Variants in FAT3 observed in about 807,000 individuals in gnomAD.
The protein encoded by FAT3 is FAT atypical cadherin 3, also known as protocadherin Fat 3.
FAT3 carries 95 observed loss-of-function variants against 310.2 expected under a neutral mutation model. The observed-to-expected ratio is 0.31, with a 90% CI of 0.26 to 0.36. FAT3 has a LOEUF of 0.36. Ranked by LOEUF, FAT3 falls within the 10% of genes least tolerant of loss-of-function variation. The pLI, the probability that FAT3 is intolerant of heterozygous loss-of-function variation, is 1.00. For synonymous variants in FAT3, 2,314 were observed against 2,192.9 expected, an observed-to-expected ratio of 1.06 and a Z score of -1.54; for missense variants, 5,408 against 5,715.6, an observed-to-expected ratio of 0.95 and a Z score of 1.74.
chr11:92,346,089 G>A (rs1948412177), intron 1 of FAT3, among the ~76,000 whole-genome samples: 1 of 152,086 alleles, frequency 6.6e-6, no homozygotes, highest in Admixed American at 6.6e-5. Flanking sequence ...TTTTCAGGCA[G>A]CCATTAGCAC....
At chr11:92,858,808 G>GT (rs1288737749) in intron 20 of FAT3, among the ~76,000 whole-genome samples, 1 of 152,182 alleles carries the variant, frequency 6.6e-6, no homozygotes, top group African/African-American at 2.4e-5. Context: ...GTGATTGGGG[G>GT]TTGGGGGAGG....
chr11:92,394,885 C>T (rs1475939128), intron 2 of FAT3, among the ~76,000 whole-genome samples: 1 of 152,188 alleles, frequency 6.6e-6, no homozygotes, highest in Non-Finnish European at 1.5e-5. Flanking sequence ...TCTTTTCCTA[C>T]ACTGCCTAAC....
intron 19 of FAT3, among the ~76,000 whole-genome samples, chr11:92,850,809 T>C (rs1948808421): frequency 6.6e-6 from 1 of 152,144 alleles, no homozygotes; most frequent in Non-Finnish European, 1.5e-5. Flanking sequence ...GCTGGGGAGA[T>C]AGGAGAGGAG....
chr11:92,241,256 G>A (rs1864660864), intron 1 of FAT3, among the ~76,000 whole-genome samples: 2 of 152,086 alleles, frequency 1.3e-5, no homozygotes. Context: ...CTTCTTGGGA[G>A]CTCCTCCTTG....
At chr11:92,368,842 A>ATATATATATATG (rs1055622673) in intron 2 of FAT3, among the ~76,000 whole-genome samples, 11 of 147,162 alleles carry the variant, frequency 7.5e-5, no homozygotes, top group African/African-American at 2.9e-4. Flanking sequence ...ACATATATAT[A>ATATATATATATG]TATATACACA....
chr11:92,721,199 T>C (rs746256047), intron 4 of FAT3, among the ~76,000 whole-genome samples: 29 of 152,140 alleles, frequency 1.9e-4, no homozygotes, highest in Non-Finnish European at 3.7e-4. Context: ...ATATGGCAAA[T>C]CAGGATAATG....
rs887917370 is a variant in FAT3 at position 92,453,245 on chromosome 11, T to C, written c.3293-71389T>C. Among the ~76,000 whole-genome samples the C allele has an allele frequency of 5.9e-5, 9 of 152,280 alleles. No individual in the cohort carries two copies. In the East Asian group the frequency reaches 1.7e-3, roughly 29 times the overall value. ...AGTGAATGAGTCATAGCAAGACAGA[T>C]TATTACTCAGATGCTGCTTTGCTTC... On this transcript the variant is annotated intron_variant, in intron 2 of 27. Transcript: ENST00000525166.
In FAT3 at chr11:92,386,812, G is replaced by C. The variant is rs531870999; in HGVS notation, c.3292+31408G>C. Among the ~76,000 whole-genome samples, 6 of 152,280 alleles carry C rather than the reference G, an allele frequency of 3.9e-5. No individual in the cohort carries two copies. The South Asian group carries it at 1.2e-3, about 32-fold the overall frequency. ...TCCCATTACAGCTTGAGTGACACTG[G>C]GTAACAGATCTGGGACCGGATCCTA... On this transcript the variant is annotated intron_variant, in intron 2 of 27. Coordinates refer to ENST00000525166, the MANE Select transcript of FAT3 (RefSeq NM_001367949.2).
At chr11:92,740,436 G>A (rs528370922) in intron 4 of FAT3, among the ~76,000 whole-genome samples, 1 of 152,136 alleles carries the variant, frequency 6.6e-6, no homozygotes, top group South Asian at 2.1e-4. Flanking sequence ...TTCATGATAG[G>A]GGCTGCCTGA....
At chr11:92,406,837 G>C (rs1215608070) in intron 2 of FAT3, 1 of 152,218 alleles carries the variant, frequency 6.6e-6, no homozygotes, top group Non-Finnish European at 1.5e-5. Flanking sequence ...AGGTGGATCA[G>C]ATAAAGGCAT....
chr11:92,860,253 C>G (rs1397301419), intron 21 of FAT3, among the ~76,000 whole-genome samples: 1 of 152,152 alleles, frequency 6.6e-6, no homozygotes, highest in Admixed American at 6.5e-5. Context: ...CCCATTTGAT[C>G]AAGAGGAGGA....
intron 3 of FAT3, among the ~76,000 whole-genome samples, chr11:92,667,701 G>A (rs945743416): frequency 4.6e-5 from 7 of 152,132 alleles, no homozygotes; most frequent in Non-Finnish European, 1.0e-4. Flanking sequence ...CCCTTTCTCT[G>A]AGCCCTCCTC....
chr11:92,662,108 T>C (rs766834684), intron 3 of FAT3, among the ~76,000 whole-genome samples: 11 of 151,644 alleles, frequency 7.3e-5, no homozygotes, highest in Non-Finnish European at 1.5e-4. Flanking sequence ...ACAGAAGGAG[T>C]TGTGTTTTAT....
At chr11:92,374,022 A>AGACAGAGG (rs1949270024) in intron 2 of FAT3, among the ~76,000 whole-genome samples, 1 of 116,042 alleles carries the variant, frequency 8.6e-6, no homozygotes, top group Non-Finnish European at 1.7e-5. Flanking sequence ...ACTCTCAGAC[A>AGACAGAGG]GAGAGAGGGA....
At chr11:92,838,795 C>G (rs1359881744) in intron 17 of FAT3, among the ~76,000 whole-genome samples, 2 of 152,162 alleles carry the variant, frequency 1.3e-5, no homozygotes, top group African/African-American at 4.8e-5. Flanking sequence ...CCTCCTCAGA[C>G]CCCAGGGCCA....
At chr11:92,646,708 A>G (rs1298323634) in intron 3 of FAT3, among the ~76,000 whole-genome samples, 1 of 152,224 alleles carries the variant, frequency 6.6e-6, no homozygotes, top group East Asian at 1.9e-4. Context: ...AGAATAGATA[A>G]GGTTCAAATC....
In FAT3 at chr11:92,834,974, A is replaced by T; in HGVS notation, c.9976A>T (p.Thr3326Ser). 6.2e-7 allele frequency: 1 copy of T among 1,613,638 alleles called. No individual in the cohort carries two copies. Among genetic ancestry groups the T allele is most frequent in the Non-Finnish European group, 8.5e-7 (1 of 1,179,764 alleles). ...CACCCCAGCTCTCAGCGCTGTGGCC[A>T]CTGTCAACATCAACCTCACAGATGT... is the stretch of plus-strand genomic sequence containing the variant. ...GGTPALSAVA[T>S]VNINLTDVND... is the part of the protein sequence containing the mutation. Residue 3326 changes from threonine to serine, a missense_variant, in exon 15 of 28, where the codon ACT (threonine) becomes TCT (serine). Physicochemically the swap from Thr to Ser is moderately conservative, Grantham distance 58. Around this residue, in one of 5 missense-constraint regions of FAT3, gnomAD observed 4,588 missense variants for 4,809.8 expected, o/e 0.95. Coordinates refer to ENST00000525166, the MANE Select transcript of FAT3 (RefSeq NM_001367949.2).
chr11:92,466,460 A>G (rs1193282516), intron 2 of FAT3, among the ~76,000 whole-genome samples: 2 of 152,042 alleles, frequency 1.3e-5, no homozygotes, highest in African/African-American at 2.4e-5. Flanking sequence ...TTTCGAAGCC[A>G]TGCTTCAAAT....
intron 4 of FAT3, among the ~76,000 whole-genome samples, chr11:92,699,286 G>T (rs1040735154): frequency 1.3e-5 from 2 of 152,140 alleles, no homozygotes. Context: ...GTATTAAATA[G>T]ATCATTAGGG....
Sources: gnomAD v4.1 joint callset for allele counts (sites outside exome capture counted in the v4.1 genomes callset) on GRCh38, gnomAD v4.1.1 for gene constraint, gnomAD v4.1.1 regional missense constraint, MANE v1.5 for transcripts, NCBI Gene and HGNC (gene_info 2026-07-23, HGNC 2026-07-21) for gene names.